Variants in PLEKHG1 observed in about 807,000 individuals in gnomAD.
The protein encoded by PLEKHG1 is pleckstrin homology domain-containing family G member 1.
In PLEKHG1, 44 loss-of-function variants were observed where a neutral mutation model predicts 100.8. That is an observed-to-expected ratio of 0.44 (90% CI 0.34 to 0.56). PLEKHG1 has a LOEUF of 0.56. PLEKHG1 is among the 20% of genes least tolerant of loss of function. The pLI, the probability that PLEKHG1 is intolerant of heterozygous loss-of-function variation, is 0.01. For missense variants in PLEKHG1, 1,545 were observed against 1,720.9 expected (o/e 0.90, Z 1.81); for synonymous variants, 640 against 662.5 (o/e 0.97, Z 0.52).
intron 3 of PLEKHG1, among the ~76,000 whole-genome samples, chr6:150,703,580 G>T (rs1172705159): frequency 6.8e-6 from 1 of 146,136 alleles, no homozygotes; most frequent in Non-Finnish European, 1.5e-5. Flanking sequence ...TTGCCTGGGC[G>T]ACAGAGCAAG....
intron 3 of PLEKHG1, among the ~76,000 whole-genome samples, chr6:150,675,099 A>G (rs1333361954): frequency 1.3e-5 from 2 of 152,218 alleles, no homozygotes; most frequent in African/African-American, 4.8e-5. Flanking sequence ...GCCGAGAAAT[A>G]TTTAATAACC....
intron 1 of PLEKHG1, among the ~76,000 whole-genome samples, chr6:150,615,448 G>A (rs899111624): frequency 6.6e-6 from 1 of 152,156 alleles, no homozygotes; most frequent in Non-Finnish European, 1.5e-5. Context: ...AGAGTTCTCT[G>A]TTAACTCTCC....
rs1780700038 is a variant in PLEKHG1 at position 150,699,967 on chromosome 6, G to A, written c.-98-33617G>A. 3.3e-5 allele frequency among the ~76,000 whole-genome samples: 5 copies of A among 152,172 alleles called. No homozygotes were observed. In the South Asian group the frequency reaches 8.3e-4, roughly 25 times the overall value. On this transcript the variant is annotated intron_variant, in intron 3 of 3. Transcript: ENST00000367326. Reference sequence around the variant, plus strand: ...TTAACATCAATAGAGCCAAATTTTAGATCACTGGTTTTGGTAAATAGCTCA... The same window carrying A: ...TTAACATCAATAGAGCCAAATTTTAAATCACTGGTTTTGGTAAATAGCTCA...
intron 3 of PLEKHG1, chr6:150,662,780 G>A (rs1171924911): frequency 6.6e-6 from 1 of 152,176 alleles, no homozygotes; most frequent in East Asian, 1.9e-4. Flanking sequence ...GTAAAACGCT[G>A]CATTCTCACG....
chr6:150,791,783 A>G (rs1785999921), intron 4 of PLEKHG1, among the ~76,000 whole-genome samples: 1 of 152,232 alleles, frequency 6.6e-6, no homozygotes, highest in African/African-American at 2.4e-5. Flanking sequence ...TAAGGTTCCA[A>G]AAAGCAGTCT....
At chr6:150,797,485 A>G (rs1786416137) in intron 5 of PLEKHG1, among the ~76,000 whole-genome samples, 1 of 151,836 alleles carries the variant, frequency 6.6e-6, no homozygotes, top group Admixed American at 6.6e-5. Flanking sequence ...ACAGTGAGCT[A>G]CTGTTGCACC....
intron 6 of PLEKHG1, among the ~76,000 whole-genome samples, chr6:150,801,276 G>T (rs763956838): frequency 1.9e-3 from 294 of 152,266 alleles, no homozygotes; most frequent in Non-Finnish European, 3.4e-3. Flanking sequence ...GGGCTGAAAA[G>T]GGAGAAGACA....
chr6:150,689,555 C>A (rs1382658989), intron 3 of PLEKHG1, among the ~76,000 whole-genome samples: 1 of 152,162 alleles, frequency 6.6e-6, no homozygotes, highest in African/African-American at 2.4e-5. Context: ...TAAGGTTTTA[C>A]TTTTATGTTT....
In PLEKHG1 at chr6:150,733,930, C is replaced by T. The variant is rs757293543; in HGVS notation, c.249C>T (p.Ser83=). 18 of 1,614,182 alleles carry T rather than the reference C, an allele frequency of 1.1e-5. No individual in the cohort carries two copies. In the South Asian group the frequency reaches 1.2e-4, roughly 11 times the overall value. Reference sequence around the variant, plus strand: ...GGCAACAGAACGCGGATGAGGGCAGCGAAAGGCCACCCAGAGCGCAGTGGA... The same window carrying T: ...GGCAACAGAACGCGGATGAGGGCAGTGAAAGGCCACCCAGAGCGCAGTGGA... The change falls in exon 2 of 16, where the codon AGC becomes AGT. Residue 83 remains serine, a synonymous_variant. Coordinates refer to ENST00000358517, the Ensembl canonical transcript of PLEKHG1.
intron 2 of PLEKHG1, among the ~76,000 whole-genome samples, chr6:150,745,774 A>G (rs754589892): frequency 7.2e-5 from 11 of 152,158 alleles, no homozygotes; most frequent in Non-Finnish European, 1.6e-4. Context: ...ATAGAAAAAA[A>G]GTCAAAAATG....
intron 3 of PLEKHG1, among the ~76,000 whole-genome samples, chr6:150,671,571 A>C (rs1582919874): frequency 6.6e-6 from 1 of 152,342 alleles, no homozygotes; most frequent in East Asian, 1.9e-4. Context: ...CACTGTAGTA[A>C]GTGCTGAGGA....
At chr6:150,784,956 TACCCA>T (rs1785527542) in intron 3 of PLEKHG1, among the ~76,000 whole-genome samples, 1 of 151,432 alleles carries the variant, frequency 6.6e-6, no homozygotes, top group Non-Finnish European at 1.5e-5. Flanking sequence ...TTGCTCACAC[TACCCA>T]GCGCTTCAGA....
chr6:150,741,315 T>G (rs1782843724), intron 2 of PLEKHG1, among the ~76,000 whole-genome samples: 1 of 152,216 alleles, frequency 6.6e-6, no homozygotes, highest in African/African-American at 2.4e-5. Context: ...ACTTTGTGAC[T>G]GATGTCAGGT....
intron 1 of PLEKHG1, among the ~76,000 whole-genome samples, chr6:150,629,187 G>A (rs997255342): frequency 2.0e-5 from 3 of 152,124 alleles, no homozygotes; most frequent in South Asian, 4.1e-4. Context: ...TGCTTGAAGC[G>A]ATGCTTCTCA....
At position 150,733,554 on chromosome 6, in the gene PLEKHG1, T is replaced by C. The variant is rs114902339; in HGVS notation, c.-98-30T>C. 4,734 of 1,549,152 alleles carry C rather than the reference T, an allele frequency of 3.1e-3. 142 individuals carry two copies. In the African/African-American group the frequency reaches 0.057, roughly 19 times the overall value. ...CTCTGCTTGATAGAATTGCTTATCTTGTCCTTTTTATTTTCTTTAATGCAT... is the reference window on the plus strand; with the variant it reads ...CTCTGCTTGATAGAATTGCTTATCTCGTCCTTTTTATTTTCTTTAATGCAT... On this transcript the variant is annotated intron_variant, in intron 1 of 15. Coordinates refer to ENST00000358517, the Ensembl canonical transcript of PLEKHG1.
chr6:150,835,299 T>C (rs544899452), intron 15 of PLEKHG1, among the ~76,000 whole-genome samples: 1 of 152,280 alleles, frequency 6.6e-6, no homozygotes, highest in South Asian at 2.1e-4. Context: ...TTTGGTGATG[T>C]TTCACATGGG....
intron 1 of PLEKHG1, among the ~76,000 whole-genome samples, chr6:150,610,731 T>A (rs905412621): frequency 6.6e-6 from 1 of 152,230 alleles, no homozygotes; most frequent in Non-Finnish European, 1.5e-5. Context: ...AAATTGTTTT[T>A]GTTTGAATGA....
intron 2 of PLEKHG1, among the ~76,000 whole-genome samples, chr6:150,747,540 C>G (rs537498776): frequency 2.0e-5 from 3 of 152,296 alleles, no homozygotes; most frequent in African/African-American, 7.2e-5. Context: ...TAGATAGCAG[C>G]TTTCATGAAA....
chr6:150,732,803 T>C (rs1056414156), intron 1 of PLEKHG1, among the ~76,000 whole-genome samples: 2 of 152,178 alleles, frequency 1.3e-5, no homozygotes, highest in Admixed American at 1.3e-4. Context: ...GCCAGGCTTG[T>C]CTCAAACGCC....
Sources: allele counts gnomAD v4.1 joint callset (sites outside exome capture counted in the v4.1 genomes callset), GRCh38; gene constraint gnomAD v4.1.1; transcripts MANE v1.5; gene names NCBI Gene and HGNC (gene_info 2026-07-23, HGNC 2026-07-21).